EIF4G3: variants seen among roughly 807,000 people sequenced by gnomAD.
The protein encoded by EIF4G3 is eukaryotic translation initiation factor 4 gamma 3, also known as eIF-4-gamma 3.
In EIF4G3, 34 loss-of-function variants were observed where a neutral mutation model predicts 186.4. That is an observed-to-expected ratio of 0.18 (90% CI 0.14 to 0.24). The LOEUF is 0.24. Among genes scored for constraint, EIF4G3 ranks in the 10% least tolerant of loss-of-function variants. The pLI is 1.00. For missense variants in EIF4G3, 1,536 were observed against 1,948.5 expected (o/e 0.79, Z 3.99); for synonymous variants, 673 against 679.5 (o/e 0.99, Z 0.15).
At chr1:21,106,451 G>T (rs2096619840) in intron 2 of EIF4G3, among the ~76,000 whole-genome samples, 1 of 151,992 alleles carries the variant, frequency 6.6e-6, no homozygotes, top group African/African-American at 2.4e-5. Context: ...TGAAGGAAAG[G>T]AATAACCAAG....
intron 3 of EIF4G3, among the ~76,000 whole-genome samples, chr1:21,063,208 G>A (rs1181863474): frequency 2.6e-5 from 4 of 152,022 alleles, no homozygotes; most frequent in Non-Finnish European, 2.9e-5. Context: ...CACATGCTAC[G>A]ACGCCCGGCT....
Position 20,858,879 on chromosome 1 carries a change from C to A in EIF4G3, c.3245-1382G>T, listed in dbSNP as rs185458163. The stretch of plus-strand genomic sequence containing the variant: ...AGGCGTGGTGGTGGGCGCCTGTAAT[C>A]CCAGCCACTCGGGAGGCTGAGGCAG... On this transcript the variant is annotated intron_variant, in intron 24 of 36. Coordinates refer to ENST00000602326, the MANE Select transcript of EIF4G3 (RefSeq NM_001391906.1). Among the ~76,000 whole-genome samples the A allele has an allele frequency of 8.5e-5, 13 of 152,278 alleles. No homozygotes were observed. In the East Asian group the frequency reaches 1.4e-3, roughly 16 times the overall value.
intron 14 of EIF4G3, among the ~76,000 whole-genome samples, chr1:20,926,831 A>G (rs2094933323): frequency 6.6e-6 from 1 of 152,098 alleles, no homozygotes; most frequent in Admixed American, 6.6e-5. Context: ...GAGTAAATAA[A>G]CATTTAATAA....
At chr1:21,078,131 T>C (rs2095646025) in intron 3 of EIF4G3, among the ~76,000 whole-genome samples, 2 of 152,218 alleles carry the variant, frequency 1.3e-5, no homozygotes, top group African/African-American at 4.8e-5. Context: ...AGCATTCATT[T>C]ATTTATTAAT....
intron 1 of EIF4G3, 135 bp downstream of exon 1, chr1:21,176,587 G>A (rs1200283678): frequency 1.2e-5 from 2 of 164,768 alleles, no homozygotes; most frequent in Non-Finnish European, 2.5e-5. Flanking sequence ...CGCCGCCGCC[G>A]CCGCCTCCGC....
At chr1:21,139,838 C>T (rs528371636) in intron 2 of EIF4G3, among the ~76,000 whole-genome samples, 1 of 152,288 alleles carries the variant, frequency 6.6e-6, no homozygotes, top group South Asian at 2.1e-4. Flanking sequence ...GTAGCTAGGA[C>T]TACAGGCCCA....
At chr1:20,976,537 C>A (rs533006478) in intron 10 of EIF4G3, among the ~76,000 whole-genome samples, 11 of 152,036 alleles carry the variant, frequency 7.2e-5, no homozygotes, top group Admixed American at 1.3e-4. Flanking sequence ...ACTTTTTATT[C>A]ATTTTACTTG....
rs1159810451 is a variant in EIF4G3 at position 20,816,844 on chromosome 1, G to A, written c.4515+548C>T. Among the ~76,000 whole-genome samples the A allele has an allele frequency of 4.4e-4, 43 of 98,694 alleles. 5 individuals carry two copies. Among genetic ancestry groups the A allele is most frequent in the South Asian group, 7.3e-4 (2 of 2,726 alleles). 64.7% of individuals were successfully genotyped at this position (98,694 alleles called of 152,430 possible). ...AAAATTGAGAAATCGGATGGTTGCCGGGTCTGTGTAGAAAGAAGTAGACAT... is the reference window on the plus strand; with the variant it reads ...AAAATTGAGAAATCGGATGGTTGCCAGGTCTGTGTAGAAAGAAGTAGACAT... On this transcript the variant is annotated intron_variant, in intron 34 of 36. Coordinates refer to ENST00000602326, the MANE Select transcript of EIF4G3 (RefSeq NM_001391906.1).
intron 2 of EIF4G3, among the ~76,000 whole-genome samples, chr1:21,136,280 AG>A (rs2097244088): frequency 6.6e-6 from 1 of 152,030 alleles, no homozygotes; most frequent in South Asian, 2.1e-4. Flanking sequence ...GCACTTTGGG[AG>A]GCCCAGGCAG....
chr1:20,868,662 A>G lies in EIF4G3; in HGVS notation c.2623-3400T>C, dbSNP rs2078247882. ...GTGACAGTGGGAAAAGGATCTATTT[A>G]GACAACTGCAATTTTCACTTAACAG... On this transcript the variant is annotated intron_variant, in intron 20 of 36. Coordinates refer to ENST00000602326, the MANE Select transcript of EIF4G3 (RefSeq NM_001391906.1). Among the ~76,000 whole-genome samples, 5 of 152,356 alleles carry G rather than the reference A, an allele frequency of 3.3e-5. No homozygotes were observed. In the South Asian group the frequency reaches 1.0e-3, roughly 32 times the overall value.
chr1:20,982,003 T>C (rs921429933), intron 8 of EIF4G3, among the ~76,000 whole-genome samples: 2 of 152,210 alleles, frequency 1.3e-5, no homozygotes, highest in African/African-American at 2.4e-5. Flanking sequence ...AGGAATCTCT[T>C]TGATCATAAA....
intron 17 of EIF4G3, among the ~76,000 whole-genome samples, chr1:20,895,032 A>T (rs563629054): frequency 1.1e-4 from 16 of 152,278 alleles, no homozygotes; most frequent in Admixed American, 2.6e-4. Context: ...GAACTTTTAG[A>T]ACAATGAGGA....
intron 18 of EIF4G3, chr1:20,893,110 T>C (rs2154555750): frequency 5.1e-6 from 1 of 195,448 alleles, no homozygotes; most frequent in South Asian, 1.2e-4. Context: ...TTTTTTTTTT[T>C]GTGGTAGAGA....
intron 2 of EIF4G3, among the ~76,000 whole-genome samples, chr1:21,142,415 G>A (rs1422280441): frequency 6.6e-6 from 1 of 152,136 alleles, no homozygotes; most frequent in East Asian, 1.9e-4. Context: ...GCTGAGGTAG[G>A]AGGATCGCTT....
intron 2 of EIF4G3, among the ~76,000 whole-genome samples, chr1:21,158,926 C>CT (rs1184988342): frequency 6.6e-6 from 1 of 151,762 alleles, no homozygotes; most frequent in African/African-American, 2.4e-5. Flanking sequence ...GACACTAGAT[C>CT]TGCAGGTCCT....
At chr1:21,019,914 A>G (rs2090266396) in intron 4 of EIF4G3, among the ~76,000 whole-genome samples, 1 of 152,128 alleles carries the variant, frequency 6.6e-6, no homozygotes, top group African/African-American at 2.4e-5. Flanking sequence ...AAATGCCCCC[A>G]TGAACATAAT....
intron 4 of EIF4G3, among the ~76,000 whole-genome samples, chr1:21,007,334 G>A (rs1016536970): frequency 2.0e-5 from 3 of 151,770 alleles, no homozygotes; most frequent in Non-Finnish European, 4.4e-5. Flanking sequence ...GGAGGCAGAG[G>A]TTGCAGTGAA....
At chr1:21,173,926 T>A (rs1020822532) in intron 2 of EIF4G3, among the ~76,000 whole-genome samples, 3 of 152,352 alleles carry the variant, frequency 2.0e-5, no homozygotes, top group Admixed American at 1.3e-4. Flanking sequence ...AATCCTTTTT[T>A]AATCAATACC....
intron 14 of EIF4G3, among the ~76,000 whole-genome samples, chr1:20,911,887 C>A (rs2093278226): frequency 6.6e-6 from 1 of 151,894 alleles, no homozygotes; most frequent in Non-Finnish European, 1.5e-5. Flanking sequence ...ACTTCCTCTA[C>A]CCCTTATATA....
Sources: allele counts gnomAD v4.1 joint callset (sites outside exome capture counted in the v4.1 genomes callset), GRCh38; gene constraint gnomAD v4.1.1; transcripts MANE v1.5; gene names NCBI Gene and HGNC (gene_info 2026-07-23, HGNC 2026-07-21).